PTPRT: variants seen among roughly 807,000 people sequenced by gnomAD.
PTPRT encodes protein tyrosine phosphatase receptor type T, also known as receptor-type tyrosine-protein phosphatase T.
In PTPRT, 56 loss-of-function variants were observed where a neutral mutation model predicts 176.8. The ratio of observed to expected loss-of-function variants is 0.32; its 90% CI spans 0.26 to 0.40. The LOEUF (loss-of-function observed/expected upper bound fraction) is 0.40. PTPRT is among the 10% of genes least tolerant of loss of function. The pLI is 1.00. For synonymous variants in PTPRT, 783 were observed against 739.0 expected, an observed-to-expected ratio of 1.06 and a Z score of -0.96; for missense variants, 1,540 against 1,908.2, an observed-to-expected ratio of 0.81 and a Z score of 3.60.
intron 9 of PTPRT, among the ~76,000 whole-genome samples, chr20:42,393,370 T>C (rs942752201): frequency 2.0e-5 from 3 of 152,172 alleles, no homozygotes; most frequent in African/African-American, 7.2e-5. Flanking sequence ...AATGTTTGAT[T>C]ATGCCTCATT....
intron 15 of PTPRT, among the ~76,000 whole-genome samples, chr20:42,225,213 T>C (rs2055978285): frequency 6.6e-6 from 1 of 152,168 alleles, no homozygotes; most frequent in Admixed American, 6.5e-5. Flanking sequence ...CTTCTTCTAC[T>C]TAACCTATAT....
At chr20:43,081,214 G>A (rs975916795) in intron 1 of PTPRT, among the ~76,000 whole-genome samples, 1 of 152,144 alleles carries the variant, frequency 6.6e-6, no homozygotes, top group Admixed American at 6.5e-5. Context: ...ACCAGGCAGG[G>A]ATTATCTACT....
At chr20:42,845,874 C>T (rs1025382332) in intron 2 of PTPRT, among the ~76,000 whole-genome samples, 4 of 152,204 alleles carry the variant, frequency 2.6e-5, no homozygotes, top group Non-Finnish European at 5.9e-5. Context: ...GTCCAGGGCT[C>T]AGGGTTAAAC....
chr20:42,566,482 A>T (rs551909049), intron 7 of PTPRT, among the ~76,000 whole-genome samples: 2 of 152,318 alleles, frequency 1.3e-5, no homozygotes, highest in East Asian at 3.9e-4. Context: ...TGAGCAGAAG[A>T]TTCAGAACCT....
At chr20:42,465,267 A>T (rs753202221) in intron 8 of PTPRT, among the ~76,000 whole-genome samples, 1 of 152,164 alleles carries the variant, frequency 6.6e-6, no homozygotes, top group Non-Finnish European at 1.5e-5. Context: ...ACAAAACTTC[A>T]TATGTACTTA....
At chr20:42,538,594 A>G (rs2072518164) in intron 7 of PTPRT, among the ~76,000 whole-genome samples, 2 of 152,192 alleles carry the variant, frequency 1.3e-5, no homozygotes, top group African/African-American at 4.8e-5. Flanking sequence ...ATCAAGTCAC[A>G]TGGCGATTAA....
chr20:43,057,992 A>G (rs1304254593), intron 1 of PTPRT, among the ~76,000 whole-genome samples: 1 of 152,230 alleles, frequency 6.6e-6, no homozygotes. Context: ...GAACAAAAAA[A>G]CAAGAAGGGG....
intron 1 of PTPRT, among the ~76,000 whole-genome samples, chr20:42,917,651 C>T (rs187593755): frequency 3.2e-4 from 49 of 152,164 alleles, no homozygotes; most frequent in African/African-American, 1.2e-3. Context: ...ATAGCATTGC[C>T]CCCTATCTTC....
intron 14 of PTPRT, among the ~76,000 whole-genome samples, chr20:42,242,592 C>G (rs2056375356): frequency 6.6e-6 from 1 of 152,106 alleles, no homozygotes; most frequent in African/African-American, 2.4e-5. Context: ...TAGCTGGTCA[C>G]ATGGAGCTGA....
chr20:42,738,404 C>T (rs991740515), intron 6 of PTPRT, among the ~76,000 whole-genome samples: 2 of 151,724 alleles, frequency 1.3e-5, no homozygotes, highest in African/African-American at 2.4e-5. Context: ...CCCAGCTACT[C>T]GGGAGGCTGA....
chr20:43,075,064 T>G (rs2011240308), intron 1 of PTPRT, among the ~76,000 whole-genome samples: 1 of 152,202 alleles, frequency 6.6e-6, no homozygotes, highest in South Asian at 2.1e-4. Context: ...AACATAAACA[T>G]CCAGCCCTTC....
chr20:42,120,541 T>C (rs1473408257), intron 19 of PTPRT, among the ~76,000 whole-genome samples: 1 of 152,218 alleles, frequency 6.6e-6, no homozygotes, highest in Non-Finnish European at 1.5e-5. Context: ...AAGGCTGACC[T>C]GGGAGACCCA....
At chr20:42,273,266 A>G (rs541717812) in intron 13 of PTPRT, among the ~76,000 whole-genome samples, 1 of 152,232 alleles carries the variant, frequency 6.6e-6, no homozygotes, top group Admixed American at 6.5e-5. Context: ...CCCAGGCTGG[A>G]GTGCAATGGC....
rs564884501 is a variant in PTPRT at position 42,605,417 on chromosome 20, C to A, written c.1153+72449G>T. ...GTGAGAAAAGCTGCAGGTCTTCAGG[C>A]CCTTGTCACTCCCTGCTGGTGTTAA... On this transcript the variant is annotated intron_variant, in intron 7 of 30. Transcript: ENST00000373187. 2.6e-5 allele frequency among the ~76,000 whole-genome samples: 4 copies of A among 152,284 alleles called. No individual in the cohort carries two copies. In the East Asian group the frequency reaches 7.7e-4, roughly 29 times the overall value.
At chr20:42,932,737 A>ATCT (rs1979941677) in intron 1 of PTPRT, among the ~76,000 whole-genome samples, 1 of 152,232 alleles carries the variant, frequency 6.6e-6, no homozygotes. Flanking sequence ...CTCCTGGAGA[A>ATCT]GGACCTTAAA....
At chr20:42,852,494 A>G (rs1169202968) in intron 2 of PTPRT, among the ~76,000 whole-genome samples, 1 of 151,838 alleles carries the variant, frequency 6.6e-6, no homozygotes, top group Non-Finnish European at 1.5e-5. Flanking sequence ...GGTCCCTAAA[A>G]CCTCTTGCTA....
chr20:42,578,812 G>T (rs2073312183), intron 7 of PTPRT, among the ~76,000 whole-genome samples: 2 of 150,532 alleles, frequency 1.3e-5, no homozygotes, highest in Admixed American at 1.3e-4. Flanking sequence ...CTTACTCTCT[G>T]TTCAGAACCC....
At chr20:42,422,846 A>G (rs1423902394) in intron 9 of PTPRT, among the ~76,000 whole-genome samples, 1 of 152,228 alleles carries the variant, frequency 6.6e-6, no homozygotes, top group Non-Finnish European at 1.5e-5. Context: ...CATATACACC[A>G]TGGAATACAA....
intron 16 of PTPRT, among the ~76,000 whole-genome samples, chr20:42,178,155 C>T (rs1469472588): frequency 6.6e-6 from 1 of 152,118 alleles, no homozygotes; most frequent in East Asian, 1.9e-4. Context: ...CCAGGCTGTT[C>T]TCGAACTCCT....
Sources: gnomAD v4.1 joint callset for allele counts (sites outside exome capture counted in the v4.1 genomes callset) on GRCh38, gnomAD v4.1.1 for gene constraint, MANE v1.5 for transcripts, NCBI Gene and HGNC (gene_info 2026-07-23, HGNC 2026-07-21) for gene names.